The following PTPRG variants were observed in gnomAD, a reference collection of about 807,000 sequenced individuals.
The protein encoded by PTPRG is protein tyrosine phosphatase receptor type G, also known as receptor-type tyrosine-protein phosphatase gamma.
PTPRG carries 102 observed loss-of-function variants against 165.3 expected under a neutral mutation model. That is an observed-to-expected ratio of 0.62 (90% CI 0.53 to 0.73). PTPRG has a LOEUF of 0.73. Ranked by LOEUF, PTPRG falls within the 30% of genes least tolerant of loss-of-function variation. The pLI, the probability that PTPRG is intolerant of heterozygous loss-of-function variation, is 0.00. For synonymous variants in PTPRG, 675 were observed against 669.5 expected, an observed-to-expected ratio of 1.01 and a Z score of -0.13; for missense variants, 1,866 against 1,861.4, an observed-to-expected ratio of 1.00 and a Z score of -0.05.
chr3:62,036,250 G>A (rs1699932270), intron 4 of PTPRG, among the ~76,000 whole-genome samples: 1 of 152,190 alleles, frequency 6.6e-6, no homozygotes, highest in Admixed American at 6.5e-5. Flanking sequence ...GGCCTTGAAG[G>A]AGGTGACTCT....
intron 5 of PTPRG, among the ~76,000 whole-genome samples, chr3:62,128,397 G>T (rs1437903229): frequency 6.6e-6 from 1 of 152,056 alleles, no homozygotes; most frequent in Non-Finnish European, 1.5e-5. Context: ...AAATTGAGTG[G>T]ATGTCAAGTA....
intron 2 of PTPRG, among the ~76,000 whole-genome samples, chr3:61,928,962 G>C (rs2039294108): frequency 1.3e-5 from 2 of 152,280 alleles, no homozygotes; most frequent in South Asian, 4.1e-4. Context: ...ACAACGGGAA[G>C]GATGTTGCTA....
At chr3:61,836,634 G>A (rs376879335) in intron 2 of PTPRG, among the ~76,000 whole-genome samples, 4 of 152,244 alleles carry the variant, frequency 2.6e-5, no homozygotes, top group African/African-American at 9.6e-5. Flanking sequence ...CTTTGTAGTT[G>A]AGGAAATAGA....
intron 1 of PTPRG, among the ~76,000 whole-genome samples, chr3:61,664,032 C>T (rs1214187958): frequency 1.3e-5 from 2 of 152,162 alleles, no homozygotes; most frequent in Non-Finnish European, 2.9e-5. Context: ...CCTCAGAATC[C>T]ATTCTTGTTA....
chr3:61,935,426 A>G (rs2039461326), intron 2 of PTPRG, among the ~76,000 whole-genome samples: 1 of 152,174 alleles, frequency 6.6e-6, no homozygotes, highest in African/African-American at 2.4e-5. Context: ...GCACACATAC[A>G]GACTCACACA....
intron 17 of PTPRG, chr3:62,264,004 G>A (rs1483406736): frequency 1.3e-5 from 2 of 152,356 alleles, no homozygotes; most frequent in East Asian, 1.9e-4. Flanking sequence ...AAATTAGCCG[G>A]GCGTGGTGGC....
intron 28 of PTPRG, among the ~76,000 whole-genome samples, chr3:62,289,609 G>C (rs1014164057): frequency 6.7e-6 from 1 of 150,030 alleles, no homozygotes; most frequent in African/African-American, 2.5e-5. Flanking sequence ...ATTATCAAAA[G>C]TTTATCAGTG....
At chr3:62,142,292 A>C (rs543281498) in intron 6 of PTPRG, among the ~76,000 whole-genome samples, 1 of 152,110 alleles carries the variant, frequency 6.6e-6, no homozygotes, top group African/African-American at 2.4e-5. Context: ...TTAAAAGGAA[A>C]CCCAAGTGAT....
rs547443484 is a variant in PTPRG at position 62,036,974 on chromosome 3, C to T, written c.519+33477C>T. The stretch of plus-strand genomic sequence containing the variant: ...TACCTCCCTCAGTGCTGCACGTGCG[C>T]GCGCGCACGCACACACACACACACA... On this transcript the variant is annotated intron_variant, in intron 4 of 29. Coordinates refer to ENST00000474889, the MANE Select transcript of PTPRG (RefSeq NM_002841.4). 8.7e-4 allele frequency among the ~76,000 whole-genome samples: 93 copies of T among 106,334 alleles called. No individual in the cohort carries two copies. In the East Asian group the frequency reaches 0.014, roughly 16 times the overall value. 69.8% of individuals were successfully genotyped at this position (106,334 alleles called of 152,430 possible). A position where few individuals can be genotyped will look rare whatever the true frequency, so the allele number is the denominator to read the frequency against.
At chr3:61,753,718 C>A in intron 2 of PTPRG, 1 of 403,114 alleles carries the variant, frequency 2.5e-6, no homozygotes, top group Non-Finnish European at 4.8e-6. Flanking sequence ...TTCAGCCTCT[C>A]AAGTAGCTGG....
At chr3:61,833,486 G>T (rs1262316379) in intron 2 of PTPRG, among the ~76,000 whole-genome samples, 6 of 152,148 alleles carry the variant, frequency 3.9e-5, no homozygotes, top group Non-Finnish European at 5.9e-5. Flanking sequence ...GTGAGCGTGT[G>T]TGCCAATGCC....
chr3:61,677,971 A>G (rs540971306), intron 1 of PTPRG, among the ~76,000 whole-genome samples: 4 of 152,296 alleles, frequency 2.6e-5, no homozygotes, highest in African/African-American at 9.6e-5. Context: ...GGGAAATTCG[A>G]TACCCAGAGG....
At chr3:61,651,105 A>G (rs1165876464) in intron 1 of PTPRG, among the ~76,000 whole-genome samples, 1 of 151,002 alleles carries the variant, frequency 6.6e-6, no homozygotes, top group Non-Finnish European at 1.5e-5. Flanking sequence ...ATCAACCTCA[A>G]TTACACGATG....
intron 2 of PTPRG, among the ~76,000 whole-genome samples, chr3:61,777,091 TTG>T (rs2034405716): frequency 6.6e-6 from 1 of 152,174 alleles, no homozygotes; most frequent in Non-Finnish European, 1.5e-5. Context: ...TTTCGTTGAA[TTG>T]TGTGTCTCTG....
At position 62,297,442 on chromosome 3, in the gene PTPRG, A is replaced by C. The variant is rs1232326782; in HGVS notation, c.*4135A>C. On this transcript the variant is annotated 3_prime_UTR_variant, in exon 30 of 30. Transcript: ENST00000474889. The stretch of plus-strand genomic sequence containing the variant: ...ATTCGTCACATTGACCCATTTGGAA[A>C]AAGTGTGCTTTTTTTTTTTTTTTAA... The C allele has an allele frequency of 1.3e-5, 2 of 151,756 alleles. No individual in the cohort carries two copies. Among genetic ancestry groups the C allele is most frequent in the Non-Finnish European group, 2.9e-5 (2 of 67,876 alleles). 9.4% of individuals were successfully genotyped at this position (151,756 alleles called of 1,614,324 possible).
At chr3:62,069,570 A>G (rs1172861819) in intron 4 of PTPRG, among the ~76,000 whole-genome samples, 1 of 151,854 alleles carries the variant, frequency 6.6e-6, no homozygotes, top group African/African-American at 2.4e-5. Flanking sequence ...GTTTGCTTAA[A>G]ACCGGTAATG....
chr3:61,672,399 G>A (rs1281895874), intron 1 of PTPRG, among the ~76,000 whole-genome samples: 1 of 138,160 alleles, frequency 7.2e-6, no homozygotes, highest in East Asian at 2.3e-4. Flanking sequence ...AGCGAGCCGA[G>A]ATCACGCCAC....
At chr3:61,881,142 C>G (rs1164792682) in intron 2 of PTPRG, among the ~76,000 whole-genome samples, 2 of 151,630 alleles carry the variant, frequency 1.3e-5, no homozygotes, top group African/African-American at 2.4e-5. Flanking sequence ...ATACAAAGAA[C>G]AGTACTTTAT....
intron 2 of PTPRG, among the ~76,000 whole-genome samples, chr3:61,843,192 C>G (rs965971363): frequency 6.6e-5 from 10 of 151,938 alleles, no homozygotes; most frequent in Non-Finnish European, 1.3e-4. Context: ...TGAAAATGGC[C>G]AAGTTAATCT....
Sources: allele counts gnomAD v4.1 joint callset (sites outside exome capture counted in the v4.1 genomes callset), GRCh38; gene constraint gnomAD v4.1.1; transcripts MANE v1.5; gene names NCBI Gene and HGNC (gene_info 2026-07-23, HGNC 2026-07-21).